Variants in PHACTR4 observed in about 807,000 individuals in gnomAD.
PHACTR4 encodes the protein phosphatase and actin regulator 4.
Under a neutral mutation model 72.7 loss-of-function variants are expected in PHACTR4, and 51 were observed. The observed-to-expected ratio is 0.70, with a 90% confidence interval of 0.56 to 0.89. The LOEUF (loss-of-function observed/expected upper bound fraction) is 0.89. Ranked by LOEUF, PHACTR4 falls within the 40% of genes least tolerant of loss-of-function variation. PHACTR4 has a pLI of 0.00. For synonymous variants in PHACTR4, 255 were observed against 302.5 expected, an observed-to-expected ratio of 0.84 and a Z score of 1.63; for missense variants, 731 against 861.8, an observed-to-expected ratio of 0.85 and a Z score of 1.90.
intron 6 of PHACTR4, among the ~76,000 whole-genome samples, chr1:28,471,949 C>T (rs1570059078): frequency 6.6e-6 from 1 of 151,900 alleles, no homozygotes; most frequent in South Asian, 2.1e-4. Context: ...CGGTGGCTCA[C>T]GACTGTAATC....
intron 9 of PHACTR4, among the ~76,000 whole-genome samples, chr1:28,484,954 A>C (rs1428204151): frequency 6.6e-6 from 1 of 152,154 alleles, no homozygotes; most frequent in Admixed American, 6.6e-5. Context: ...CAACAAGAGC[A>C]AAAGAAACTC....
At chr1:28,495,954 G>A (rs1250612765) in intron 13 of PHACTR4, among the ~76,000 whole-genome samples, 3 of 151,430 alleles carry the variant, frequency 2.0e-5, no homozygotes, top group Non-Finnish European at 4.4e-5. Flanking sequence ...AGGGTAGACA[G>A]AGGAAAATGA....
intron 2 of PHACTR4, among the ~76,000 whole-genome samples, chr1:28,408,163 G>C (rs1404201438): frequency 6.6e-6 from 1 of 152,194 alleles, no homozygotes; most frequent in African/African-American, 2.4e-5. Context: ...TAATCACTCA[G>C]TAACTTATGT....
intron 1 of PHACTR4, among the ~76,000 whole-genome samples, chr1:28,381,545 G>A (rs1307983963): frequency 3.3e-5 from 5 of 151,520 alleles, no homozygotes; most frequent in East Asian, 3.9e-4. Flanking sequence ...TGATCCGCCC[G>A]CCTCAGCCTC....
At chr1:28,407,948 G>A (rs997573484) in intron 2 of PHACTR4, among the ~76,000 whole-genome samples, 4 of 150,706 alleles carry the variant, frequency 2.7e-5, no homozygotes, top group African/African-American at 2.4e-5. Context: ...ACAAAACCCC[G>A]TCTCTACTAA....
chr1:28,451,586 C>G (rs189751451), intron 2 of PHACTR4, among the ~76,000 whole-genome samples: 1 of 152,020 alleles, frequency 6.6e-6, no homozygotes. Context: ...GTTATTGTAG[C>G]AGTTTTAGAG....
chr1:28,406,272 C>T (rs1411368437), intron 1 of PHACTR4, among the ~76,000 whole-genome samples: 4 of 152,068 alleles, frequency 2.6e-5, no homozygotes, highest in Non-Finnish European at 2.9e-5. Context: ...TGTCACCAGG[C>T]TACTATAATA....
At position 28,473,785 on chromosome 1, in the gene PHACTR4, C is replaced by T; in HGVS notation, c.1055C>T (p.Pro352Leu). 6.2e-7 allele frequency: 1 copy of T among 1,614,076 alleles called. No individual in the cohort carries two copies. Among genetic ancestry groups the T allele is most frequent in the South Asian group, 1.1e-5 (1 of 91,072 alleles). Residue 352 changes from proline (P) to leucine (L), a missense_variant, in exon 7 of 14, where the codon CCT becomes CTT. Coordinates refer to ENST00000373839, the MANE Select transcript of PHACTR4 (RefSeq NM_001048183.3). ...TCCCCCCCACTGCCTACTCATATAC[C>T]TCCAGAGCCTCCACGCACCCCTCCA... ...SPSPPLPTHIPPEPPRTPPFP... is the reference protein window; with the variant it reads ...SPSPPLPTHILPEPPRTPPFP...
intron 10 of PHACTR4, chr1:28,489,831 T>G (rs746037730): frequency 1.2e-5 from 6 of 518,914 alleles, no homozygotes; most frequent in Admixed American, 9.7e-5. Context: ...TGGGCTTCCT[T>G]GGGGCTATTT....
At chr1:28,410,924 C>T (rs898220888) in intron 2 of PHACTR4, among the ~76,000 whole-genome samples, 1 of 151,968 alleles carries the variant, frequency 6.6e-6, no homozygotes, top group African/African-American at 2.4e-5. Flanking sequence ...CCAGGCTGGT[C>T]TTGAACTCCT....
chr1:28,465,477 G>A (rs182093606), intron 4 of PHACTR4, among the ~76,000 whole-genome samples: 7 of 152,124 alleles, frequency 4.6e-5, no homozygotes, highest in Non-Finnish European at 8.8e-5. Flanking sequence ...CTGGCCAGGC[G>A]CAGTGATTCA....
intron 1 of PHACTR4, among the ~76,000 whole-genome samples, 162 bp downstream of exon 1, chr1:28,369,987 C>T (rs1038546458): frequency 1.3e-5 from 2 of 152,120 alleles, no homozygotes; most frequent in Non-Finnish European, 2.9e-5. Flanking sequence ...CGGGGCGGGG[C>T]CGCCGCCTCC....
At chr1:28,403,329 C>T (rs1654072985) in intron 1 of PHACTR4, among the ~76,000 whole-genome samples, 1 of 152,176 alleles carries the variant, frequency 6.6e-6, no homozygotes, top group African/African-American at 2.4e-5. Flanking sequence ...CTTATATGTG[C>T]TGTAACGGCT....
At chr1:28,457,827 T>G (rs1658500583) in intron 2 of PHACTR4, 1 of 985,298 alleles carries the variant, frequency 1.0e-6, no homozygotes, top group Non-Finnish European at 1.2e-6. Context: ...TTTCTTCCTC[T>G]CTAGACTTCT....
At chr1:28,464,519 A>T (rs918883903) in intron 4 of PHACTR4, among the ~76,000 whole-genome samples, 1 of 152,226 alleles carries the variant, frequency 6.6e-6, no homozygotes, top group East Asian at 1.9e-4. Flanking sequence ...TTCAAGGCCC[A>T]TTCTGGTAAC....
intron 2 of PHACTR4, among the ~76,000 whole-genome samples, chr1:28,410,390 A>C (rs1654700546): frequency 6.6e-6 from 1 of 152,204 alleles, no homozygotes. Context: ...AACTAGAATA[A>C]TACATGACAA....
At chr1:28,389,424 G>T (rs1652822218) in intron 1 of PHACTR4, among the ~76,000 whole-genome samples, 1 of 151,212 alleles carries the variant, frequency 6.6e-6, no homozygotes, top group African/African-American at 2.4e-5. Context: ...GCAAGGATGT[G>T]GAGAAAAGGG....
intron 6 of PHACTR4, among the ~76,000 whole-genome samples, chr1:28,472,493 C>T (rs1256726315): frequency 6.6e-6 from 1 of 152,094 alleles, no homozygotes; most frequent in Non-Finnish European, 1.5e-5. Flanking sequence ...AGTTTTATAA[C>T]ACAGAGCTAA....
At chr1:28,480,687 T>A in intron 9 of PHACTR4, 83 bp downstream of exon 9, 1 of 1,554,608 alleles carries the variant, frequency 6.4e-7, no homozygotes, top group African/African-American at 1.4e-5. Context: ...TGTTTTTTTG[T>A]GTGTGTTTTG....
Sources: gnomAD v4.1 joint callset for allele counts (sites outside exome capture counted in the v4.1 genomes callset) on GRCh38, gnomAD v4.1.1 for gene constraint, MANE v1.5 for transcripts, NCBI Gene and HGNC (gene_info 2026-07-23, HGNC 2026-07-21) for gene names.